ANO3: variants seen among roughly 807,000 people sequenced by gnomAD.
The protein encoded by ANO3 is anoctamin-3.
ANO3 carries 99 observed loss-of-function variants against 144.8 expected under a neutral mutation model. The observed-to-expected ratio is 0.68, with a 90% confidence interval of 0.58 to 0.81. The LOEUF (loss-of-function observed/expected upper bound fraction) is 0.81. Ranked by LOEUF, ANO3 falls within the 30% of genes least tolerant of loss-of-function variation. The pLI is 0.00. For missense variants in ANO3, 905 were observed against 1,202.2 expected (o/e 0.75, Z 3.66); for synonymous variants, 414 against 392.6 (o/e 1.05, Z -0.64).
Position 26,656,132 on chromosome 11 carries a change from A to G in ANO3, c.2584A>G (p.Lys862Glu), listed in dbSNP as rs764916375. The stretch of plus-strand genomic sequence containing the variant: ...ATTTTTCTTTTCTCCCAGTTGCTTG[A>G]AGGGATATGTCAACAATAGCCTATC... ...NHVEPSENCL[K>E]GYVNNSLSFF... Residue 862 changes from lysine (K) to glutamate (E), a missense_variant, in exon 25 of 27, where the codon AAG (lysine) becomes GAG (glutamate). Coordinates refer to ENST00000256737, the MANE Select transcript of ANO3 (RefSeq NM_031418.4). The G allele has an allele frequency of 6.2e-7, 1 of 1,612,292 alleles. No homozygotes were observed. Among genetic ancestry groups the G allele is most frequent in the Non-Finnish European group, 8.5e-7 (1 of 1,178,950 alleles).
At chr11:26,246,705 G>A (rs1308882790) in intron 1 of ANO3, among the ~76,000 whole-genome samples, 9 of 152,032 alleles carry the variant, frequency 5.9e-5, no homozygotes, top group Non-Finnish European at 1.3e-4. Context: ...ATCCTCGTGT[G>A]TGGCAGAGAC....
At chr11:26,194,495 AT>A (rs1301980954) in intron 1 of ANO3, among the ~76,000 whole-genome samples, 56 of 38,576 alleles carry the variant, frequency 1.5e-3, no homozygotes, top group Middle Eastern at 0.031. Flanking sequence ...TGTATTATTT[AT>A]TTATTTATTT....
At position 26,563,668 on chromosome 11, in the gene ANO3, A is replaced by G. The variant is rs1362143101; in HGVS notation, c.1447+3889A>G. Among the ~76,000 whole-genome samples the G allele has an allele frequency of 2.0e-5, 3 of 151,926 alleles. No individual in the cohort carries two copies. The South Asian group carries it at 6.2e-4, about 31-fold the overall frequency. On this transcript the variant is annotated intron_variant, in intron 14 of 26. Coordinates refer to ENST00000256737, the MANE Select transcript of ANO3 (RefSeq NM_031418.4). ...TTGCACTTGTTTCTGTAAATAATTC[A>G]AAGGTTAAAAGCCAATAGGAGTAAG...
intron 24 of ANO3, among the ~76,000 whole-genome samples, chr11:26,650,640 G>A (rs1236755258): frequency 2.0e-5 from 3 of 152,170 alleles, no homozygotes; most frequent in Admixed American, 2.0e-4. Flanking sequence ...AAAAATTTCA[G>A]TAAGAAGTTC....
intron 1 of ANO3, among the ~76,000 whole-genome samples, chr11:26,293,476 G>C (rs529700547): frequency 7.3e-5 from 10 of 137,656 alleles, no homozygotes; most frequent in Non-Finnish European, 1.2e-4. Context: ...TATGCTTCTG[G>C]AAATTTTGAT....
At chr11:26,317,978 A>G (rs972611365) in intron 1 of ANO3, among the ~76,000 whole-genome samples, 2 of 152,184 alleles carry the variant, frequency 1.3e-5, no homozygotes, top group African/African-American at 4.8e-5. Context: ...TGAAGCTGGA[A>G]ACCATCATTC....
At chr11:26,328,271 A>G (rs1351542712), upstream of ANO3, among the ~76,000 whole-genome samples, 1 of 152,168 alleles carries the variant, frequency 6.6e-6, no homozygotes, top group Non-Finnish European at 1.5e-5. Context: ...GCTTTTAGGG[A>G]GAAAATTGTT....
chr11:26,560,965 C>T lies in ANO3; in HGVS notation c.1447+1186C>T. 4 of 1,182,340 alleles carry T rather than the reference C, an allele frequency of 3.4e-6. No homozygotes were observed. In the Middle Eastern group the frequency reaches 8.0e-4, roughly 236 times the overall value. The allele number at this position is 1,182,340 out of a possible 1,614,324, so 73.2% of individuals were successfully genotyped here. On this transcript the variant is annotated intron_variant, in intron 14 of 26. Transcript: ENST00000256737. ...CTTTTATGATTCTCCTTGACAAAATCCACGTGACAGTAATTTTGTGTAACC... is the reference window on the plus strand; with the variant it reads ...CTTTTATGATTCTCCTTGACAAAATTCACGTGACAGTAATTTTGTGTAACC...
At chr11:26,203,895 G>A (rs117355075) in intron 1 of ANO3, among the ~76,000 whole-genome samples, 2,658 of 152,220 alleles carry the variant, frequency 0.017, 33 homozygotes, top group Non-Finnish European at 0.025. Context: ...GGACAAGAGG[G>A]AAGGGGTATA....
intron 1 of ANO3, among the ~76,000 whole-genome samples, chr11:26,350,441 T>G (rs367778400): frequency 8.5e-5 from 13 of 152,236 alleles, no homozygotes; most frequent in African/African-American, 2.2e-4. Context: ...ACATGATTAT[T>G]GTAGAAAAGT....
chr11:26,451,896 A>G (rs1159521329), intron 3 of ANO3, among the ~76,000 whole-genome samples: 1 of 152,186 alleles, frequency 6.6e-6, no homozygotes, highest in African/African-American at 2.4e-5. Flanking sequence ...AAACTTCCAG[A>G]GGAACAATCA....
At chr11:26,231,573 G>A (rs1056718104) in intron 1 of ANO3, among the ~76,000 whole-genome samples, 1 of 152,186 alleles carries the variant, frequency 6.6e-6, no homozygotes, top group Non-Finnish European at 1.5e-5. Flanking sequence ...GGGTACACAT[G>A]TCAAAGTAAG....
intron 1 of ANO3, among the ~76,000 whole-genome samples, chr11:26,219,518 T>G (rs1161450460): frequency 6.6e-6 from 1 of 152,188 alleles, no homozygotes; most frequent in Non-Finnish European, 1.5e-5. Flanking sequence ...TTCATTAACC[T>G]TTTCTTCAAG....
intron 1 of ANO3, among the ~76,000 whole-genome samples, chr11:26,298,499 A>G (rs1854144329): frequency 6.6e-6 from 1 of 152,242 alleles, no homozygotes; most frequent in Non-Finnish European, 1.5e-5. Flanking sequence ...AATGCCAAGC[A>G]AGGTTATTTC....
Position 26,647,577 on chromosome 11 carries a change from A to G in ANO3, c.2429-132A>G. 3 of 728,914 alleles carry G rather than the reference A, an allele frequency of 4.1e-6. No individual in the cohort carries two copies. In the South Asian group the frequency reaches 6.8e-5, roughly 16 times the overall value. 45.2% of individuals were successfully genotyped at this position (728,914 alleles called of 1,614,324 possible). ...GCTATAATGTCTGTATTGAGATAGT[A>G]TAATAAGAAAGCACATAGTGGACAG... On this transcript the variant is annotated intron_variant, in intron 23 of 26. Transcript: ENST00000256737.
At chr11:26,350,792 A>G (rs868231949) in intron 1 of ANO3, among the ~76,000 whole-genome samples, 3 of 152,146 alleles carry the variant, frequency 2.0e-5, no homozygotes, top group African/African-American at 7.2e-5. Flanking sequence ...TTTTTTCTCA[A>G]CATAACTTTT....
chr11:26,283,317 AATAAATATATATAT>A lies in ANO3; in HGVS notation c.155-26324_155-26311del, dbSNP rs1394993454. Among the ~76,000 whole-genome samples the A allele has an allele frequency of 1.1e-3, 88 of 77,592 alleles. 2 individuals carry two copies. Among genetic ancestry groups the A allele is most frequent in the South Asian group, 6.6e-3 (11 of 1,662 alleles). 50.9% of individuals were successfully genotyped at this position (77,592 alleles called of 152,430 possible). On this transcript the variant is annotated intron_variant, in intron 1 of 27. Transcript: ENST00000672621. ...CATATCTTACCAAAATAAACAAATA[AATAAATATATATAT>A]ATATATATATATATATATATATATA...
Position 26,598,352 on chromosome 11 carries a change from T to G in ANO3, c.1448-13T>G. The G allele has an allele frequency of 1.4e-6, 2 of 1,470,162 alleles. No individual in the cohort carries two copies. Among genetic ancestry groups the G allele is most frequent in the Non-Finnish European group, 1.8e-6 (2 of 1,095,418 alleles). The allele number at this position is 1,470,162 out of a possible 1,614,324, so 91.1% of individuals were successfully genotyped here. The stretch of plus-strand genomic sequence containing the variant: ...TGATTTGGGTAAAGAATTATCATTT[T>G]TATATTTTATAGCCACAGTCTTCCT... On this transcript the variant is annotated splice_polypyrimidine_tract_variant and intron_variant, in intron 14 of 26. Transcript: ENST00000256737.
chr11:26,236,342 T>A (rs1852521316), intron 1 of ANO3, among the ~76,000 whole-genome samples: 1 of 152,190 alleles, frequency 6.6e-6, no homozygotes, highest in Non-Finnish European at 1.5e-5. Flanking sequence ...TCAAAAAAGA[T>A]TATACCAATT....
Sources: gnomAD v4.1 joint callset for allele counts (sites outside exome capture counted in the v4.1 genomes callset) on GRCh38, gnomAD v4.1.1 for gene constraint, MANE v1.5 for transcripts, NCBI Gene and HGNC (gene_info 2026-07-23, HGNC 2026-07-21) for gene names.